NAPA: variants seen among roughly 807,000 people sequenced by gnomAD.
The protein encoded by NAPA is alpha-soluble NSF attachment protein.
In NAPA, 18 loss-of-function variants were observed where a neutral mutation model predicts 48.0. The ratio of observed to expected loss-of-function variants is 0.38; its 90% confidence interval spans 0.26 to 0.56. The LOEUF (loss-of-function observed/expected upper bound fraction) is 0.56. Among genes scored for constraint, NAPA ranks in the 20% least tolerant of loss-of-function variants. The pLI is 0.77. For synonymous variants in NAPA, 152 were observed against 149.9 expected, an observed-to-expected ratio of 1.01 and a Z score of -0.10; for missense variants, 315 against 385.0, an observed-to-expected ratio of 0.82 and a Z score of 1.52.
In NAPA at chr19:47,506,569, G is replaced by C. The variant is rs1341276281; in HGVS notation, c.99-3067C>G. ...ACTCTCTGAAAAAGCACAGACCCTG[G>C]ATGGGCAGAAATGACCCACGTCACT... On this transcript the variant is annotated intron_variant, in intron 1 of 10. Coordinates refer to ENST00000263354, the MANE Select transcript of NAPA (RefSeq NM_003827.4). The surrounding 1 kb of genome is among the most constrained non-coding windows in gnomAD (Gnocchi z 4.0). Among the ~76,000 whole-genome samples, 1 of 152,220 alleles carries C rather than the reference G, an allele frequency of 6.6e-6. No individual in the cohort carries two copies. Among genetic ancestry groups the C allele is most frequent in the Non-Finnish European group, 1.5e-5 (1 of 68,040 alleles).
intron 1 of NAPA, among the ~76,000 whole-genome samples, chr19:47,509,069 C>A (rs1968750485): frequency 6.6e-6 from 1 of 152,028 alleles, no homozygotes; most frequent in Non-Finnish European, 1.5e-5. Flanking sequence ...GAACAAGACC[C>A]TGTCTCTCAA....
chr19:47,513,459 TC>T (rs1237357271), intron 1 of NAPA, among the ~76,000 whole-genome samples: 1 of 152,240 alleles, frequency 6.6e-6, no homozygotes, highest in East Asian at 1.9e-4. Context: ...ATTTGTGATC[TC>T]CTTTAGCAGG....
At chr19:47,499,138 C>A (rs1394707700) in intron 3 of NAPA, among the ~76,000 whole-genome samples, 1 of 152,250 alleles carries the variant, frequency 6.6e-6, no homozygotes, top group Non-Finnish European at 1.5e-5. Flanking sequence ...CAGAGTCTCG[C>A]TGGAGAGCTA....
chr19:47,499,946 T>C (rs1968530088), intron 3 of NAPA, among the ~76,000 whole-genome samples: 1 of 152,218 alleles, frequency 6.6e-6, no homozygotes, highest in Non-Finnish European at 1.5e-5. Flanking sequence ...GCTTTCTAAT[T>C]AGCAACCTGT....
intron 1 of NAPA, among the ~76,000 whole-genome samples, chr19:47,513,092 C>T (rs182603920): frequency 1.3e-5 from 2 of 152,288 alleles, no homozygotes; most frequent in African/African-American, 2.4e-5. Context: ...TTGACCCTTT[C>T]GGGTCGTCCC....
At chr19:47,495,391 G>T in intron 4 of NAPA, 159 bp downstream of exon 4, 1 of 787,894 alleles carries the variant, frequency 1.3e-6, no homozygotes. Flanking sequence ...GCCAGCCCAG[G>T]CCAGCTCAGG....
At chr19:47,491,878 C>T (rs1289011547) in intron 8 of NAPA, 137 bp downstream of exon 8, 2 of 752,130 alleles carry the variant, frequency 2.7e-6, no homozygotes, top group South Asian at 1.6e-5. Flanking sequence ...GAGAACCACA[C>T]TTCTCATCCA....
In NAPA at chr19:47,493,210, C is replaced by CAGGGA. The variant is rs757364726; in HGVS notation, c.421-41_421-37dup. 6.4e-7 allele frequency: 1 copy of CAGGGA among 1,562,504 alleles called. No homozygotes were observed. Among genetic ancestry groups the CAGGGA allele is most frequent in the Non-Finnish European group, 8.7e-7 (1 of 1,149,796 alleles). On this transcript the variant is annotated intron_variant, in intron 5 of 10. Coordinates refer to ENST00000263354, the MANE Select transcript of NAPA (RefSeq NM_003827.4). This position sits in a 1 kb window ranked among gnomAD's most constrained non-coding sequence, Gnocchi z 6.4. Reference sequence around the variant, plus strand: ...ACGGGGGATGGGTTCCAGGGGAGGGCAGGGAAGGGAGAGGAGGCCTCCGTG... The same window carrying CAGGGA: ...ACGGGGGATGGGTTCCAGGGGAGGGCAGGGAAGGGAAGGGAGAGGAGGCCTCCGTG...
At position 47,493,038 on chromosome 19, in the gene NAPA, T is replaced by G. The variant is rs1245201792; in HGVS notation, c.484A>C (p.Asn162His). Residue 162 changes from asparagine to histidine, a missense_variant, in exon 7 of 11, where the codon AAC becomes CAC. By Grantham distance (68) the Asn-to-His change is moderately conservative (BLOSUM62 1). Coordinates refer to ENST00000263354, the MANE Select transcript of NAPA (RefSeq NM_003827.4). The surrounding 1 kb of genome is among the most constrained non-coding windows in gnomAD (Gnocchi z 6.4). ...YKGEESNSSA[N>H]KCLLKVAGYA... ...CCAGCCACCTTCAGCAGACACTTGTTGGCTGAGCTGTGTGGGGAGGAGTAG... is the reference window on the plus strand; with the variant it reads ...CCAGCCACCTTCAGCAGACACTTGTGGGCTGAGCTGTGTGGGGAGGAGTAG... 2 of 1,614,112 alleles carry G rather than the reference T, an allele frequency of 1.2e-6. No individual in the cohort carries two copies. Among genetic ancestry groups the G allele is most frequent in the Non-Finnish European group, 1.7e-6 (2 of 1,180,002 alleles).
intron 1 of NAPA, among the ~76,000 whole-genome samples, chr19:47,509,433 G>A (rs979240780): frequency 6.6e-6 from 1 of 152,178 alleles, no homozygotes; most frequent in Non-Finnish European, 1.5e-5. Flanking sequence ...GTGCCAGCCT[G>A]CGTTTCCTTA....
At chr19:47,503,046 T>C (rs1321400273) in intron 2 of NAPA, among the ~76,000 whole-genome samples, 1 of 152,232 alleles carries the variant, frequency 6.6e-6, no homozygotes, top group Admixed American at 6.5e-5. Flanking sequence ...ATGATTCACG[T>C]TGTTATTGGA....
At chr19:47,509,795 C>T (rs1049504519) in intron 1 of NAPA, among the ~76,000 whole-genome samples, 5 of 152,224 alleles carry the variant, frequency 3.3e-5, no homozygotes, top group African/African-American at 4.8e-5. Flanking sequence ...ACCTGCCACA[C>T]GGCACACAGC....
intron 3 of NAPA, chr19:47,496,814 C>T (rs1568466404): frequency 2.2e-6 from 1 of 454,586 alleles, no homozygotes; most frequent in Non-Finnish European, 4.4e-6. Flanking sequence ...TCCAACCCCT[C>T]CTTCTGACAT....
At chr19:47,494,735 C>CAAAA (rs11462456) in intron 4 of NAPA, among the ~76,000 whole-genome samples, 18 of 67,164 alleles carry the variant, frequency 2.7e-4, no homozygotes, top group South Asian at 7.1e-4. Context: ...AACTCTGTCT[C>CAAAA]AAAAAAAAAA....
chr19:47,486,120 T>C (rs1968069111), downstream of NAPA, among the ~76,000 whole-genome samples: 3 of 152,162 alleles, frequency 2.0e-5, no homozygotes, highest in South Asian at 2.1e-4. Context: ...CTTTGGAAGC[T>C]GAGGCAGGCG....
chr19:47,513,762 G>C (rs1295913378), intron 1 of NAPA, among the ~76,000 whole-genome samples: 1 of 150,656 alleles, frequency 6.6e-6, no homozygotes, highest in Non-Finnish European at 1.5e-5. Flanking sequence ...CCATCTCCTT[G>C]GCCAAGCCAC....
At chr19:47,500,082 C>G (rs1219909572) in intron 3 of NAPA, among the ~76,000 whole-genome samples, 1 of 152,246 alleles carries the variant, frequency 6.6e-6, no homozygotes, top group Non-Finnish European at 1.5e-5. Flanking sequence ...GAGTCAGCCC[C>G]AAACTGGGTT....
At position 47,493,891 on chromosome 19, in the gene NAPA, G is replaced by A. The variant is rs1968347877; in HGVS notation, c.343-398C>T. Among the ~76,000 whole-genome samples the A allele has an allele frequency of 6.6e-6, 1 of 152,204 alleles. No individual in the cohort carries two copies. Among genetic ancestry groups the A allele is most frequent in the East Asian group, 1.9e-4 (1 of 5,188 alleles). On this transcript the variant is annotated intron_variant, in intron 4 of 10. Coordinates refer to ENST00000263354, the MANE Select transcript of NAPA (RefSeq NM_003827.4). The surrounding 1 kb of genome is among the most constrained non-coding windows in gnomAD (Gnocchi z 6.4). ...CCAGTCCAGAGCCACTTGGCAAAGG[G>A]CTCTGGAGAAACCAGGATGGGAGGG...
At chr19:47,505,609 T>C (rs967159446) in intron 1 of NAPA, 7 of 152,088 alleles carry the variant, frequency 4.6e-5, no homozygotes, top group Non-Finnish European at 1.0e-4. Flanking sequence ...TCAGGTGAGT[T>C]TGAGAAGGAA....
Sources: allele counts gnomAD v4.1 joint callset (sites outside exome capture counted in the v4.1 genomes callset), GRCh38; gene constraint gnomAD v4.1.1; non-coding constraint Gnocchi (gnomAD v3.1); transcripts MANE v1.5; gene names NCBI Gene and HGNC (gene_info 2026-07-23, HGNC 2026-07-21).